SEPTIN9: variants seen among roughly 807,000 people sequenced by gnomAD.
The protein encoded by SEPTIN9 is septin-9.
SEPTIN9 carries 13 observed loss-of-function variants against 56.6 expected under a neutral mutation model. That is an observed-to-expected ratio of 0.23 (90% CI 0.15 to 0.37). SEPTIN9 has a LOEUF of 0.37. Ranked by LOEUF, SEPTIN9 falls within the 10% of genes least tolerant of loss-of-function variation. SEPTIN9 has a pLI of 1.00. For missense variants in SEPTIN9, 650 were observed against 823.1 expected (o/e 0.79, Z 2.57); for synonymous variants, 332 against 334.1 (o/e 0.99, Z 0.07).
chr17:77,429,798 G>A lies in SEPTIN9; in HGVS notation c.721+27095G>A, dbSNP rs865835185. Among the ~76,000 whole-genome samples, 112 of 152,164 alleles carry A rather than the reference G, an allele frequency of 7.4e-4. No individual in the cohort carries two copies. Among genetic ancestry groups the A allele is most frequent in the African/African-American group, 2.4e-3 (98 of 41,416 alleles). On this transcript the variant is annotated intron_variant, in intron 3 of 11. Coordinates refer to ENST00000427177, the MANE Select transcript of SEPTIN9 (RefSeq NM_001113491.2). This position sits in a 1 kb window ranked among gnomAD's most constrained non-coding sequence, Gnocchi z 5.2. ...AGAGCTGAGACTCGGGACCACAGAG[G>A]GGTGGGCTGTGCTCAGGGCAACACA...
At position 77,492,908 on chromosome 17, in the gene SEPTIN9, C is replaced by A. The variant is rs2040092115; in HGVS notation, c.1477-72C>A. Reference sequence around the variant, plus strand: ...GGGGGACCCCAGGCTCAGGGCAGCTCCTCCCGGGGGCCCAGGGGAGGGAAT... The same window carrying A: ...GGGGGACCCCAGGCTCAGGGCAGCTACTCCCGGGGGCCCAGGGGAGGGAAT... On this transcript the variant is annotated intron_variant, in intron 9 of 11. Coordinates refer to ENST00000427177, the MANE Select transcript of SEPTIN9 (RefSeq NM_001113491.2). The surrounding 1 kb of genome is among the most constrained non-coding windows in gnomAD (Gnocchi z 5.4). The A allele has an allele frequency of 1.2e-5, 17 of 1,428,390 alleles. No homozygotes were observed. Among genetic ancestry groups the A allele is most frequent in the Non-Finnish European group, 1.5e-5 (16 of 1,032,720 alleles). 88.5% of individuals were successfully genotyped at this position (1,428,390 alleles called of 1,614,324 possible). A position where few individuals can be genotyped will look rare whatever the true frequency, so the allele number is the denominator to read the frequency against.
intron 3 of SEPTIN9, among the ~76,000 whole-genome samples, chr17:77,448,530 C>G (rs1192563707): frequency 6.6e-6 from 1 of 151,794 alleles, no homozygotes; most frequent in Admixed American, 6.6e-5. Flanking sequence ...CACTGTCCAG[C>G]ATGATAGCCA....
intron 3 of SEPTIN9, chr17:77,466,268 C>A: frequency 2.5e-6 from 1 of 392,968 alleles, no homozygotes; most frequent in Non-Finnish European, 3.5e-6. Context: ...GAGATGCAGC[C>A]GAGGAGCCCA....
chr17:77,388,156 C>T (rs560822233), intron 2 of SEPTIN9, among the ~76,000 whole-genome samples: 8 of 152,266 alleles, frequency 5.3e-5, no homozygotes, highest in African/African-American at 1.4e-4. Flanking sequence ...GCTAGGTTTC[C>T]AGGGAGCTTT....
intron 3 of SEPTIN9, among the ~76,000 whole-genome samples, chr17:77,465,206 G>A (rs770462706): frequency 1.3e-5 from 2 of 152,290 alleles, no homozygotes; most frequent in Non-Finnish European, 2.9e-5. Context: ...ATATTCCATC[G>A]TGGATAGACC....
At chr17:77,334,581 T>C (rs768551092) in intron 2 of SEPTIN9, among the ~76,000 whole-genome samples, 1 of 152,122 alleles carries the variant, frequency 6.6e-6, no homozygotes, top group Non-Finnish European at 1.5e-5. Flanking sequence ...GTATTTTGTT[T>C]TCATAAAGTC....
chr17:77,450,458 C>G lies in SEPTIN9; in HGVS notation c.722-31686C>G, dbSNP rs2037921687. ...TGAATCCCTCCCAGCCCCCAGCAAG[C>G]CCTCGGAACGAGCCCACTCCCAGGC... On this transcript the variant is annotated intron_variant, in intron 3 of 11. Transcript: ENST00000427177. The surrounding 1 kb of genome is among the most constrained non-coding windows in gnomAD (Gnocchi z 6.0). 1 of 984,330 alleles carries G rather than the reference C, an allele frequency of 1.0e-6. No individual in the cohort carries two copies. Among genetic ancestry groups the G allele is most frequent in the African/African-American group, 1.7e-5 (1 of 57,214 alleles). The allele number at this position is 984,330 out of a possible 1,614,324, so 61.0% of individuals were successfully genotyped here.
rs1027350143 is a variant in SEPTIN9, at chr17:77,421,279, A to G, written c.721+18576A>G. 6.6e-6 allele frequency among the ~76,000 whole-genome samples: 1 copy of G among 152,176 alleles called. No individual in the cohort carries two copies. Among genetic ancestry groups the G allele is most frequent in the African/African-American group, 2.4e-5 (1 of 41,438 alleles). On this transcript the variant is annotated intron_variant, in intron 3 of 11. Transcript: ENST00000427177. The surrounding 1 kb of genome is among the most constrained non-coding windows in gnomAD (Gnocchi z 4.6). ...TCCCTCAGCTGCCCTGGATTTTGAAATAAGACACCGCCCGTCTGTGGGGTG... is the reference window on the plus strand; with the variant it reads ...TCCCTCAGCTGCCCTGGATTTTGAAGTAAGACACCGCCCGTCTGTGGGGTG...
At chr17:77,432,074 C>T (rs1161164815) in intron 3 of SEPTIN9, among the ~76,000 whole-genome samples, 3 of 152,110 alleles carry the variant, frequency 2.0e-5, no homozygotes, top group African/African-American at 7.2e-5. Flanking sequence ...CCCTCACATG[C>T]TCTCTCTGCG....
rs777826157 is a variant in SEPTIN9 at position 77,493,056 on chromosome 17, C to A, written c.1553C>A (p.Thr518Asn). The A allele has an allele frequency of 2.6e-6, 4 of 1,561,206 alleles. No homozygotes were observed. The Admixed American group carries it at 7.7e-5, about 30-fold the overall frequency. ...GGCAAGAGGATCCTTGGGAGGAAGACCAAGTGGGGTACCATCGAAGGTACT... is the reference window on the plus strand; with the variant it reads ...GGCAAGAGGATCCTTGGGAGGAAGAACAAGTGGGGTACCATCGAAGGTACT... The part of the protein sequence containing the change: ...VNGKRILGRK[T>N]KWGTIEVENT... Residue 518 changes from threonine (T) to asparagine (N), a missense_variant, in exon 10 of 12, where the codon ACC becomes AAC. By Grantham distance (65) the Thr-to-Asn change is moderately conservative. This residue lies in a region of SEPTIN9 where 333 missense variants were observed against 494.0 expected (regional missense o/e 0.67). Transcript: ENST00000427177.
chr17:77,363,687 C>A (rs1022646098), intron 2 of SEPTIN9, among the ~76,000 whole-genome samples: 1 of 152,078 alleles, frequency 6.6e-6, no homozygotes, highest in Non-Finnish European at 1.5e-5. Context: ...TGTGCCCAGC[C>A]GAGCCCATCT....
chr17:77,487,280 T>C lies in SEPTIN9; in HGVS notation c.914-144T>C. The C allele has an allele frequency of 1.1e-6, 1 of 882,404 alleles. No individual in the cohort carries two copies. Among genetic ancestry groups the C allele is most frequent in the Non-Finnish European group, 1.8e-6 (1 of 554,282 alleles). 54.7% of individuals were successfully genotyped at this position (882,404 alleles called of 1,614,324 possible). A position where few individuals can be genotyped will look rare whatever the true frequency, so the allele number is the denominator to read the frequency against. On this transcript the variant is annotated intron_variant, in intron 4 of 11. Transcript: ENST00000427177. This position sits in a 1 kb window ranked among gnomAD's most constrained non-coding sequence, Gnocchi z 4.3. ...GAGGGTGAAGTCCTCGGGGGCTGCT[T>C]GGCAGGGATATTGCCGGGAGGTAGC... is the stretch of plus-strand genomic sequence containing the variant.
At chr17:77,454,095 G>C in intron 3 of SEPTIN9, 1 of 985,708 alleles carries the variant, frequency 1.0e-6, no homozygotes, top group Non-Finnish European at 1.2e-6. Context: ...TTGAGAGTAG[G>C]GTCAATGGCC....
chr17:77,479,872 G>C (rs7218560), intron 3 of SEPTIN9, among the ~76,000 whole-genome samples: 3,075 of 152,288 alleles, frequency 0.02, 119 homozygotes, highest in South Asian at 0.12. Flanking sequence ...TCACGTGGGT[G>C]GGGACTGAAC....
At chr17:77,488,130 C>T (rs1035539409) in intron 5 of SEPTIN9, 110 bp from the exon 6 acceptor site, 2 of 977,696 alleles carry the variant, frequency 2.0e-6, no homozygotes, top group Admixed American at 1.9e-5. Context: ...CCGGTGTCTC[C>T]TTGGTTGTCA....
chr17:77,387,881 A>ACCCCCCCCCCCCCCCCCCCCCCTCCC, intron 2 of SEPTIN9, among the ~76,000 whole-genome samples: 1 of 126,346 alleles, frequency 7.9e-6, no homozygotes, highest in Non-Finnish European at 1.7e-5. Flanking sequence ...CTGACCCTCC[A>ACCCCCCCCCCCCCCCCCCCCCCTCCC]CCCCCACCTC....
chr17:77,331,703 C>T (rs1023557542), intron 2 of SEPTIN9, among the ~76,000 whole-genome samples: 1 of 152,084 alleles, frequency 6.6e-6, no homozygotes, highest in Admixed American at 6.6e-5. Context: ...TCACTGCGGG[C>T]GAGGGGAAGT....
chr17:77,406,520 G>A (rs966940179), intron 3 of SEPTIN9, among the ~76,000 whole-genome samples: 3 of 151,900 alleles, frequency 2.0e-5, no homozygotes, highest in Non-Finnish European at 2.9e-5. Context: ...TAAAATGCAG[G>A]AAGTACAGAA....
intron 3 of SEPTIN9, among the ~76,000 whole-genome samples, chr17:77,458,708 G>A (rs1442130197): frequency 1.3e-5 from 2 of 152,194 alleles, no homozygotes; most frequent in African/African-American, 4.8e-5. Context: ...GCAGCCACGG[G>A]CTGAGTGGCG....
Sources: allele counts gnomAD v4.1 joint callset (sites outside exome capture counted in the v4.1 genomes callset), GRCh38; gene constraint gnomAD v4.1.1; regional missense constraint gnomAD v4.1.1; non-coding constraint Gnocchi (gnomAD v3.1); transcripts MANE v1.5; gene names NCBI Gene and HGNC (gene_info 2026-07-23, HGNC 2026-07-21).